SPC24: variants seen among roughly 807,000 people sequenced by gnomAD.
The protein encoded by SPC24 is SPC24 component of NDC80 kinetochore complex.
In SPC24, 31 loss-of-function variants were observed where a neutral mutation model predicts 27.6. The ratio of observed to expected loss-of-function variants is 1.12; its 90% CI spans 0.84 to 1.52. SPC24 has a LOEUF of 1.52. SPC24 is among the 40% of genes most tolerant of loss of function. SPC24 has a pLI of 0.00. For missense variants in SPC24, 284 were observed against 252.5 expected (o/e 1.12, Z -0.84); for synonymous variants, 105 against 105.8 (o/e 0.99, Z 0.05).
chr19:11,155,736 AG>A lies in SPC24; in HGVS notation c.40del (p.Leu14CysfsTer84). 1 of 1,578,964 alleles carries A rather than the reference AG, an allele frequency of 6.3e-7. No homozygotes were observed. Among genetic ancestry groups the A allele is most frequent in the Non-Finnish European group, 8.5e-7 (1 of 1,170,324 alleles). On this transcript the variant is annotated frameshift_variant, in exon 1 of 5. Transcript: ENST00000592540. LOFTEE classifies it high-confidence loss of function. ...FRDIEEVSQG[L>X]LSLLGANRAE... The stretch of plus-strand genomic sequence containing the variant: ...GCGGTTGGCGCCCAGCAGGCTGAGC[AG>A]CCCCTGGCTCACCTCCTCTATGTCG...
chr19:11,147,729 C>A, intron 4 of SPC24, 89 bp downstream of exon 4: 1 of 1,213,290 alleles, frequency 8.2e-7, no homozygotes. Context: ...CCACCACACC[C>A]GGCTAATTTT....
Position 11,148,152 on chromosome 19 carries a change from A to G in SPC24, c.306-35T>C, listed in dbSNP as rs756547092. The G allele has an allele frequency of 4.7e-6, 7 of 1,486,776 alleles. No individual in the cohort carries two copies. In the East Asian group the frequency reaches 1.6e-4, roughly 34 times the overall value. 92.1% of individuals were successfully genotyped at this position (1,486,776 alleles called of 1,614,324 possible). On this transcript the variant is annotated intron_variant, in intron 2 of 4. Transcript: ENST00000592540. The stretch of plus-strand genomic sequence containing the variant: ...GTCGTTAAGGACCCCGGCTTTCGAG[A>G]GAGGGCTGCCCCTGCGCTAACTGCA...
At chr19:11,148,557 T>C (rs1041158229) in intron 2 of SPC24, among the ~76,000 whole-genome samples, 2 of 150,884 alleles carry the variant, frequency 1.3e-5, no homozygotes, top group Non-Finnish European at 3.0e-5. Context: ...TATTCTGGAG[T>C]GTAGCCTCAA....
chr19:11,152,212 T>C (rs914351706), intron 1 of SPC24, among the ~76,000 whole-genome samples: 2 of 151,754 alleles, frequency 1.3e-5, no homozygotes. Flanking sequence ...TGAGCCACTG[T>C]GCTTGGCCTA....
chr19:11,152,779 G>A (rs1370184346), intron 1 of SPC24, among the ~76,000 whole-genome samples: 1 of 152,044 alleles, frequency 6.6e-6, no homozygotes, highest in African/African-American at 2.4e-5. Context: ...GTGGAAGAAG[G>A]AGGAGGGAAG....
Position 11,155,746 on chromosome 19 carries a change from TC to T in SPC24, c.30del (p.Ser11AlafsTer87). On this transcript the variant is annotated frameshift_variant, in exon 1 of 5. Coordinates refer to ENST00000592540, the MANE Select transcript of SPC24 (RefSeq NM_182513.4). LOFTEE classifies it high-confidence loss of function. Reference sequence around the variant, plus strand: ...CCCAGCAGGCTGAGCAGCCCCTGGCTCACCTCCTCTATGTCGCGGAAGGCGG... The same window carrying T: ...CCCAGCAGGCTGAGCAGCCCCTGGCTACCTCCTCTATGTCGCGGAAGGCGG... MAAFRDIEE[V>X]SQGLLSLLGA... 6.3e-7 allele frequency: 1 copy of T among 1,575,698 alleles called. No individual in the cohort carries two copies. The highest frequency in any genetic ancestry group is 8.6e-7 in the Non-Finnish European group (1 of 1,168,946).
At chr19:11,151,012 A>C (rs1310791370) in intron 1 of SPC24, among the ~76,000 whole-genome samples, 3 of 151,938 alleles carry the variant, frequency 2.0e-5, no homozygotes, top group Non-Finnish European at 4.4e-5. Flanking sequence ...AGATACAAAA[A>C]ATTAGCTGGG....
chr19:11,155,525 G>A (rs2077904017), intron 1 of SPC24, 92 bp downstream of exon 1: 2 of 1,409,440 alleles, frequency 1.4e-6, no homozygotes, highest in Non-Finnish European at 1.9e-6. Context: ...GGAGAGTCCA[G>A]GAGAGAAGGG....
rs749933933 is a variant in SPC24 at position 11,147,278 on chromosome 19, G to A, written c.499C>T (p.Pro167Ser). The part of the protein sequence containing the change: ...PGMVKGIHHG[P>S]SVAQPIHLDS... ...AGGTGGATGGGCTGGGCCACACTGG[G>A]GCCATGATGGACTGAGGCACAGATG... The change falls in exon 5 of 5, where the codon CCC becomes TCC. Residue 167 changes from proline to serine, a missense_variant. Pro to Ser is a moderately conservative substitution (Grantham distance 74). Coordinates refer to ENST00000592540, the MANE Select transcript of SPC24 (RefSeq NM_182513.4). 7.7e-6 allele frequency: 12 copies of A among 1,566,066 alleles called. No individual in the cohort carries two copies. Among genetic ancestry groups the A allele is most frequent in the South Asian group, 3.5e-5 (3 of 85,028 alleles).
At chr19:11,153,742 G>A (rs1024919363) in intron 1 of SPC24, among the ~76,000 whole-genome samples, 4 of 142,916 alleles carry the variant, frequency 2.8e-5, no homozygotes, top group Admixed American at 1.4e-4. Context: ...CCTGAGCAGC[G>A]GAGTAAGACT....
Position 11,145,495 on chromosome 19 carries a change from G to C in SPC24, c.*1688C>G, listed in dbSNP as rs916975556. ...ACATTGATTGGCCGGCCCTGGACTG[G>C]AGTACATGTTCAGTTAGGGTTTATT... On this transcript the variant is annotated 3_prime_UTR_variant, in exon 5 of 5. Coordinates refer to ENST00000592540, the MANE Select transcript of SPC24 (RefSeq NM_182513.4). 2.0e-5 allele frequency: 3 copies of C among 152,168 alleles called. No homozygotes were observed. The highest frequency in any genetic ancestry group is 4.4e-5 in the Non-Finnish European group (3 of 68,066). 9.4% of individuals were successfully genotyped at this position (152,168 alleles called of 1,614,324 possible). A position where few individuals can be genotyped will look rare whatever the true frequency, so the allele number is the denominator to read the frequency against.
intron 1 of SPC24, among the ~76,000 whole-genome samples, chr19:11,150,441 G>A (rs1048095504): frequency 1.8e-4 from 27 of 151,460 alleles, no homozygotes; most frequent in African/African-American, 5.8e-4. Context: ...AGCCGACATC[G>A]CGCCATTGCA....
At chr19:11,148,817 T>C (rs1023819403) in intron 2 of SPC24, among the ~76,000 whole-genome samples, 1 of 151,814 alleles carries the variant, frequency 6.6e-6, no homozygotes, top group South Asian at 2.1e-4. Context: ...GGGGTTTCAC[T>C]GTGTTAGCCA....
intron 1 of SPC24, among the ~76,000 whole-genome samples, chr19:11,150,848 C>T (rs917187824): frequency 6.6e-6 from 1 of 151,356 alleles, no homozygotes; most frequent in African/African-American, 2.4e-5. Flanking sequence ...TTCCTAGAAA[C>T]CTGCCAACTC....
intron 1 of SPC24, among the ~76,000 whole-genome samples, chr19:11,155,156 G>A (rs1207182017): frequency 1.3e-5 from 2 of 152,142 alleles, no homozygotes; most frequent in African/African-American, 4.8e-5. Context: ...AGCAGCAGAT[G>A]CTCCATAAAA....
intron 1 of SPC24, among the ~76,000 whole-genome samples, chr19:11,150,038 T>A (rs1240139700): frequency 6.6e-6 from 1 of 151,242 alleles, no homozygotes; most frequent in African/African-American, 2.4e-5. Context: ...ACACAAAAAA[T>A]TAGCCAGGTG....
chr19:11,147,542 C>T (rs2077836074), intron 4 of SPC24: 1 of 564,890 alleles, frequency 1.8e-6, no homozygotes, highest in Non-Finnish European at 3.2e-6. Context: ...CTTCTGCCCA[C>T]CTCGGCCTCC....
chr19:11,148,209 C>T lies in SPC24; in HGVS notation c.306-92G>A, dbSNP rs186872489. The T allele has an allele frequency of 1.7e-3, 1,334 of 780,502 alleles. 9 individuals are homozygous for T. The highest frequency in any genetic ancestry group is 7.7e-4 in the Non-Finnish European group (360 of 469,728). 48.3% of individuals were successfully genotyped at this position (780,502 alleles called of 1,614,324 possible). A position where few individuals can be genotyped will look rare whatever the true frequency, so the allele number is the denominator to read the frequency against. ...AGGCCCAGGGTCTTGGCTCTATTTA[C>T]GCACACTCTCTTCTTTGAGTCAGAG... On this transcript the variant is annotated intron_variant, in intron 2 of 4. Transcript: ENST00000592540.
In SPC24 at chr19:11,147,097, A is replaced by AT; in HGVS notation, c.*85_*86insA. 21 of 742,560 alleles carry AT rather than the reference A, an allele frequency of 2.8e-5. No individual in the cohort carries two copies. Among genetic ancestry groups the AT allele is most frequent in the Middle Eastern group, 2.8e-4 (1 of 3,630 alleles). 46.0% of individuals were successfully genotyped at this position (742,560 alleles called of 1,614,324 possible). A position where few individuals can be genotyped will look rare whatever the true frequency, so the allele number is the denominator to read the frequency against. Reference sequence around the variant, plus strand: ...CTCTGTCTCAAAAAAAAAAAAAAAAAGATCTATGTCCCCACATTTCATTTG... The same window carrying AT: ...CTCTGTCTCAAAAAAAAAAAAAAAAATGATCTATGTCCCCACATTTCATTTG... On this transcript the variant is annotated 3_prime_UTR_variant, in exon 5 of 5. Transcript: ENST00000592540.
Sources: gnomAD v4.1 joint callset for allele counts (sites outside exome capture counted in the v4.1 genomes callset) on GRCh38, gnomAD v4.1.1 for gene constraint, MANE v1.5 for transcripts, NCBI Gene and HGNC (gene_info 2026-07-23, HGNC 2026-07-21) for gene names.